The following FRMD4A variants were observed in gnomAD, a reference collection of about 807,000 sequenced individuals.
The protein encoded by FRMD4A is FERM domain-containing protein 4A.
Under a neutral mutation model 129.1 loss-of-function variants are expected in FRMD4A, and 29 were observed. That is an observed-to-expected ratio of 0.22 (90% CI 0.17 to 0.31). The LOEUF is 0.31. Ranked by LOEUF, FRMD4A falls within the 10% of genes least tolerant of loss-of-function variation. FRMD4A has a pLI of 1.00. For synonymous variants in FRMD4A, 634 were observed against 571.6 expected (o/e 1.11, Z -1.56); for missense variants, 1,272 against 1,375.8 (o/e 0.92, Z 1.19).
chr10:13,697,040 C>A (rs2086289527), intron 14 of FRMD4A, among the ~76,000 whole-genome samples: 1 of 152,136 alleles, frequency 6.6e-6, no homozygotes, highest in South Asian at 2.1e-4. Context: ...CTTGTCATAC[C>A]AGAACTCTTG....
chr10:13,788,718 AC>A (rs2130800741), intron 5 of FRMD4A, among the ~76,000 whole-genome samples: 1 of 152,346 alleles, frequency 6.6e-6, no homozygotes, highest in Non-Finnish European at 1.5e-5. Flanking sequence ...GATGATCCCG[AC>A]CCGAGAATAT....
chr10:13,740,074 G>A, intron 11 of FRMD4A, 120 bp downstream of exon 11: 1 of 713,012 alleles, frequency 1.4e-6, no homozygotes, highest in Non-Finnish European at 2.5e-6. Flanking sequence ...ACACCAGCCT[G>A]GGAGACAAAG....
chr10:13,677,160 T>C (rs1564585430), intron 15 of FRMD4A, among the ~76,000 whole-genome samples: 1 of 152,228 alleles, frequency 6.6e-6, no homozygotes. Flanking sequence ...TACAGGCTCT[T>C]ACTACCCTAA....
intron 2 of FRMD4A, among the ~76,000 whole-genome samples, chr10:13,944,405 G>A (rs535930925): frequency 6.6e-6 from 1 of 152,164 alleles, no homozygotes; most frequent in Non-Finnish European, 1.5e-5. Context: ...CCATCTAGTA[G>A]CAGGAAAACA....
chr10:14,194,415 C>G (rs1247206431), intron 2 of FRMD4A, among the ~76,000 whole-genome samples: 3 of 152,192 alleles, frequency 2.0e-5, no homozygotes, highest in Admixed American at 6.5e-5. Flanking sequence ...TCGAGACCAT[C>G]CTGGCTAACA....
intron 2 of FRMD4A, among the ~76,000 whole-genome samples, chr10:14,305,022 A>G (rs1355633145): frequency 6.6e-6 from 1 of 152,180 alleles, no homozygotes; most frequent in East Asian, 1.9e-4. Context: ...GTTGGCTGGG[A>G]TCGCTGCCTT....
chr10:13,896,305 G>T (rs1418002490), intron 2 of FRMD4A, among the ~76,000 whole-genome samples: 1 of 152,144 alleles, frequency 6.6e-6, no homozygotes, highest in African/African-American at 2.4e-5. Flanking sequence ...TAAAGAAAAT[G>T]TGGCACATAT....
intron 19 of FRMD4A, among the ~76,000 whole-genome samples, chr10:13,662,984 G>A (rs2134679457): frequency 6.6e-6 from 1 of 152,072 alleles, no homozygotes; most frequent in African/African-American, 2.4e-5. Context: ...GCCGAGGTGG[G>A]TGGGTCGCTT....
chr10:13,650,246 C>CAACT (rs1444973741), intron 24 of FRMD4A, among the ~76,000 whole-genome samples: 2 of 152,062 alleles, frequency 1.3e-5, no homozygotes, highest in Non-Finnish European at 2.9e-5. Flanking sequence ...CTTACAGAAC[C>CAACT]AACTGGTGGC....
chr10:13,978,691 C>T (rs993644339), intron 2 of FRMD4A, among the ~76,000 whole-genome samples: 1 of 152,104 alleles, frequency 6.6e-6, no homozygotes, highest in Non-Finnish European at 1.5e-5. Context: ...ATGGCATCAT[C>T]GTTTCTCAAC....
chr10:13,666,882 G>A (rs7906964), intron 17 of FRMD4A, among the ~76,000 whole-genome samples: 59,295 of 148,734 alleles, frequency 0.4, 12,325 homozygotes, highest in Non-Finnish European at 0.45. Flanking sequence ...ACTCACCCGC[G>A]TGTCTTTCGG....
intron 2 of FRMD4A, among the ~76,000 whole-genome samples, chr10:13,973,565 A>G (rs1363185395): frequency 1.3e-5 from 2 of 152,112 alleles, no homozygotes; most frequent in East Asian, 3.9e-4. Flanking sequence ...ACGGTGCATA[A>G]TTTTATTCCT....
intron 2 of FRMD4A, among the ~76,000 whole-genome samples, chr10:14,176,082 T>C (rs373192045): frequency 4.5e-4 from 69 of 152,356 alleles, no homozygotes; most frequent in African/African-American, 1.6e-3. Flanking sequence ...GGATCCCTAA[T>C]ATTTTCTTCT....
At chr10:14,028,213 C>T (rs1048950797) in intron 2 of FRMD4A, among the ~76,000 whole-genome samples, 1 of 151,988 alleles carries the variant, frequency 6.6e-6, no homozygotes, top group Non-Finnish European at 1.5e-5. Context: ...ATTAATGCAC[C>T]CTTTGGACAA....
intron 2 of FRMD4A, among the ~76,000 whole-genome samples, chr10:14,025,331 T>C (rs1169910629): frequency 1.3e-5 from 2 of 152,086 alleles, no homozygotes; most frequent in African/African-American, 4.8e-5. Flanking sequence ...TGTTTGGAAA[T>C]TGTGGTAAAA....
intron 16 of FRMD4A, among the ~76,000 whole-genome samples, chr10:13,672,675 G>A (rs11258512): frequency 0.047 from 7,220 of 152,062 alleles, 228 homozygotes; most frequent in Middle Eastern, 0.085. Flanking sequence ...GTGGGGCCTC[G>A]GCTTGGTGCC....
In FRMD4A at chr10:13,810,866, G is replaced by T; in HGVS notation, c.154C>A (p.His52Asn). ...TACTCCTTTTCCTTCAGATTGAAGTGAGAAGCCACAAGGTCAAGAAGCTCC... is the reference window on the plus strand; with the variant it reads ...TACTCCTTTTCCTTCAGATTGAAGTTAGAAGCCACAAGGTCAAGAAGCTCC... The part of the protein sequence containing the change: ...AKELLDLVAS[H>N]FNLKEKEYFG... The change falls in exon 4 of 25, where the codon CAC (histidine) becomes AAC (asparagine). Residue 52 changes from histidine (H) to asparagine (N), a missense_variant. His to Asn is a moderately conservative substitution (Grantham distance 68, BLOSUM62 1). This residue lies in a region of FRMD4A where 300 missense variants were observed against 483.6 expected (regional missense o/e 0.62). Transcript: ENST00000357447. 2 of 1,605,868 alleles carry T rather than the reference G, an allele frequency of 1.2e-6. No individual in the cohort carries two copies. Among genetic ancestry groups the T allele is most frequent in the Non-Finnish European group, 1.7e-6 (2 of 1,173,194 alleles).
chr10:14,023,480 T>C (rs1371892151), intron 2 of FRMD4A, among the ~76,000 whole-genome samples: 2 of 152,152 alleles, frequency 1.3e-5, no homozygotes, highest in African/African-American at 2.4e-5. Context: ...TGGCGGGTCC[T>C]GGAAAGGTAA....
chr10:13,750,282 A>G (rs1421247110), intron 8 of FRMD4A, among the ~76,000 whole-genome samples: 1 of 152,208 alleles, frequency 6.6e-6, no homozygotes, highest in Non-Finnish European at 1.5e-5. Context: ...TAGAATCTAA[A>G]TGGTAAGGCC....
Sources: gnomAD v4.1 joint callset for allele counts (sites outside exome capture counted in the v4.1 genomes callset) on GRCh38, gnomAD v4.1.1 for gene constraint, gnomAD v4.1.1 regional missense constraint, MANE v1.5 for transcripts, NCBI Gene and HGNC (gene_info 2026-07-23, HGNC 2026-07-21) for gene names.